The following RAD1 variants were observed in gnomAD, a reference collection of about 807,000 sequenced individuals.
RAD1 encodes RAD1 checkpoint DNA exonuclease.
In RAD1, 21 loss-of-function variants were observed where a neutral mutation model predicts 30.0. That is an observed-to-expected ratio of 0.70 (90% CI 0.50 to 1.01). The LOEUF is 1.01. RAD1 is among the 50% of genes least tolerant of loss of function. RAD1 has a pLI of 0.00. For missense variants in RAD1, 329 were observed against 329.0 expected (o/e 1.00, Z 0.00); for synonymous variants, 109 against 113.6 (o/e 0.96, Z 0.26).
Position 34,915,108 on chromosome 5 carries a change from C to T in RAD1, c.-69-147G>A. ...ATGTCACTTAACTATCTTTGTAATTCTGGAGGAAAATTATCTAAGCTACGG... is the reference window on the plus strand; with the variant it reads ...ATGTCACTTAACTATCTTTGTAATTTTGGAGGAAAATTATCTAAGCTACGG... On this transcript the variant is annotated intron_variant, in intron 1 of 5. Transcript: ENST00000382038. 1.0e-5 allele frequency: 6 copies of T among 574,604 alleles called. No homozygotes were observed. In the South Asian group the frequency reaches 1.3e-4, roughly 13 times the overall value. The allele number at this position is 574,604 out of a possible 1,614,324, so 35.6% of individuals were successfully genotyped here. A position where few individuals can be genotyped will look rare whatever the true frequency, so the allele number is the denominator to read the frequency against.
At position 34,911,814 on chromosome 5, in the gene RAD1, T is replaced by C. The variant is rs773661496; in HGVS notation, c.308-2A>G. ...ACATTCGAAGTGCAGTTAAAGTCCCTGCAATGGAAAGAAGTCATACTTGGC... is the reference window on the plus strand; with the variant it reads ...ACATTCGAAGTGCAGTTAAAGTCCCCGCAATGGAAAGAAGTCATACTTGGC... On this transcript the variant is annotated splice_acceptor_variant, in intron 3 of 5. Transcript: ENST00000382038. LOFTEE classifies it high-confidence loss of function. 2 of 1,613,956 alleles carry C rather than the reference T, an allele frequency of 1.2e-6. No individual in the cohort carries two copies. Among genetic ancestry groups the C allele is most frequent in the Middle Eastern group, 1.6e-4 (1 of 6,062 alleles).
chr5:34,911,833 A>T, intron 3 of RAD1, 21 bp from the exon 4 acceptor site: 1 of 1,612,618 alleles, frequency 6.2e-7, no homozygotes, highest in South Asian at 1.1e-5. Flanking sequence ...AAGAAGTCAT[A>T]CTTGGCCTTA....
intron 5 of RAD1, 37 bp from the exon 6 acceptor site, chr5:34,908,985 C>G: frequency 2.6e-6 from 4 of 1,519,568 alleles, no homozygotes; most frequent in Non-Finnish European, 3.6e-6. Context: ...TATATCAACA[C>G]AGTGAACACT....
chr5:34,908,629 A>C lies in RAD1; in HGVS notation c.*136T>G. ...CAAAACATAGTAACTATTAGGGTAC[A>C]TGACCTTGCTCCTATCTTCCCCATT... On this transcript the variant is annotated 3_prime_UTR_variant, in exon 6 of 6. Coordinates refer to ENST00000382038, the MANE Select transcript of RAD1 (RefSeq NM_002853.4). 1 of 716,918 alleles carries C rather than the reference A, an allele frequency of 1.4e-6. No individual in the cohort carries two copies. The highest frequency in any genetic ancestry group is 2.3e-6 in the Non-Finnish European group (1 of 434,376). The allele number at this position is 716,918 out of a possible 1,614,324, so 44.4% of individuals were successfully genotyped here.
chr5:34,909,083 A>T, intron 5 of RAD1, 135 bp from the exon 6 acceptor site: 1 of 1,016,538 alleles, frequency 9.8e-7, no homozygotes. Flanking sequence ...TTTCTGTTTT[A>T]AAATTCATTC....
intron 5 of RAD1, 128 bp from the exon 6 acceptor site, chr5:34,909,076 C>G (rs1763750902): frequency 9.5e-7 from 1 of 1,050,424 alleles, no homozygotes; most frequent in Non-Finnish European, 1.4e-6. Context: ...CTAATATTTT[C>G]TGTTTTAAAA....
At chr5:34,910,353 T>A (rs1332516726) in intron 4 of RAD1, among the ~76,000 whole-genome samples, 1 of 152,204 alleles carries the variant, frequency 6.6e-6, no homozygotes, top group African/African-American at 2.4e-5. Flanking sequence ...AATTTCCATT[T>A]TGGTTAACTT....
chr5:34,909,217 C>T (rs1198866863), intron 5 of RAD1, 41 bp downstream of exon 5: 4 of 1,406,176 alleles, frequency 2.8e-6, no homozygotes, highest in East Asian at 2.3e-5. Context: ...TATTTAACCT[C>T]CTCTTTATCA....
intron 2 of RAD1, 97 bp downstream of exon 2, chr5:34,914,598 T>C: frequency 1.8e-6 from 2 of 1,111,374 alleles, no homozygotes; most frequent in East Asian, 2.4e-5. Flanking sequence ...CAAGTTATTA[T>C]GACTATTAAG....
intron 3 of RAD1, among the ~76,000 whole-genome samples, chr5:34,912,487 T>C (rs1247392494): frequency 6.6e-6 from 1 of 152,136 alleles, no homozygotes; most frequent in African/African-American, 2.4e-5. Flanking sequence ...GAACACTGTA[T>C]TAGAAAATGT....
In RAD1 at chr5:34,911,767, G is replaced by C. The variant is rs1763853746; in HGVS notation, c.353C>G (p.Pro118Arg). The C allele has an allele frequency of 6.2e-7, 1 of 1,614,096 alleles. No homozygotes were observed. Among genetic ancestry groups the C allele is most frequent in the African/African-American group, 1.3e-5 (1 of 75,030 alleles). ...TCCTTCTTCCAGGAACAGCATCAAAGGGTAACCATAACCTTGGTAACACAT... is the reference window on the plus strand; with the variant it reads ...TCCTTCTTCCAGGAACAGCATCAAACGGTAACCATAACCTTGGTAACACAT... ...LRMCYQGYGYPLMLFLEEGGV... is the reference protein window; with the variant it reads ...LRMCYQGYGYRLMLFLEEGGV... The change falls in exon 4 of 6, where the codon CCT (proline) becomes CGT (arginine). Residue 118 changes from proline to arginine, a missense_variant. Physicochemically the swap from Pro to Arg is moderately radical, Grantham distance 103 (BLOSUM62 -2). Transcript: ENST00000382038.
rs1261429987 is a variant in RAD1 at position 34,908,279 on chromosome 5, TTC to T, written c.*484_*485del. 6.6e-6 allele frequency: 1 copy of T among 150,430 alleles called. No individual in the cohort carries two copies. Among genetic ancestry groups the T allele is most frequent in the East Asian group, 2.0e-4 (1 of 5,046 alleles). 9.3% of individuals were successfully genotyped at this position (150,430 alleles called of 1,614,324 possible). On this transcript the variant is annotated 3_prime_UTR_variant, in exon 6 of 6. Coordinates refer to ENST00000382038, the MANE Select transcript of RAD1 (RefSeq NM_002853.4). ...ACCTCCGCCTCCCGGGTTCAAGCAA[TTC>T]TCCTGCCTCAGCCTCCCGAGTAGCT...
At chr5:34,910,488 C>T (rs923562889) in intron 4 of RAD1, among the ~76,000 whole-genome samples, 6 of 151,188 alleles carry the variant, frequency 4.0e-5, no homozygotes, top group African/African-American at 9.7e-5. Context: ...AGTGCAGTGG[C>T]GCAATCTCAG....
intron 3 of RAD1, 60 bp downstream of exon 3, chr5:34,913,410 C>T: frequency 5.2e-6 from 5 of 953,944 alleles, no homozygotes; most frequent in Non-Finnish European, 7.6e-6. Flanking sequence ...AAATAACTTC[C>T]TGTATTTTTC....
At chr5:34,914,481 G>C in intron 2 of RAD1, 1 of 571,714 alleles carries the variant, frequency 1.7e-6, no homozygotes. Context: ...AAAACAAGAT[G>C]GGAAAAGAAT....
chr5:34,911,210 C>G (rs571942335), intron 4 of RAD1, among the ~76,000 whole-genome samples: 2 of 152,144 alleles, frequency 1.3e-5, no homozygotes, highest in Non-Finnish European at 2.9e-5. Context: ...AAAAAGATAC[C>G]ATAATACAAA....
At chr5:34,915,286 C>T (rs1373682484) in intron 1 of RAD1, 130 bp downstream of exon 1, 1 of 279,480 alleles carries the variant, frequency 3.6e-6, no homozygotes, top group African/African-American at 2.2e-5. Flanking sequence ...TCCAACAAAA[C>T]AGGCGATGGC....
rs375177210 is a variant in RAD1, at chr5:34,914,728, A to G, written c.165T>C (p.Asn55=). 2.8e-5 allele frequency: 45 copies of G among 1,614,092 alleles called. No homozygotes were observed. The African/African-American group carries it at 5.2e-4, about 19-fold the overall frequency. The change falls in exon 2 of 6, where the codon AAT becomes AAC. Residue 55 remains asparagine (N), a synonymous_variant. Transcript: ENST00000382038. ...AAGCATTTGCTTGCACACACTTTGCATTTTCCACTGTTACTTTGATACCAT... is the reference window on the plus strand; with the variant it reads ...AAGCATTTGCTTGCACACACTTTGCGTTTTCCACTGTTACTTTGATACCAT... ...TKNGIKVTVE[N]AKCVQANAFI...
chr5:34,911,516 C>T lies in RAD1; in HGVS notation c.566+38G>A, dbSNP rs769394363. 18 of 1,605,884 alleles carry T rather than the reference C, an allele frequency of 1.1e-5. No homozygotes were observed. In the African/African-American group the frequency reaches 2.4e-4, roughly 22 times the overall value. On this transcript the variant is annotated intron_variant, in intron 4 of 5. Transcript: ENST00000382038. The stretch of plus-strand genomic sequence containing the variant: ...AATGTCTAAGTGGGAAGATGGAGTA[C>T]AGACCACATTAACTATAACTGCACT...
Sources: allele counts gnomAD v4.1 joint callset (sites outside exome capture counted in the v4.1 genomes callset), GRCh38; gene constraint gnomAD v4.1.1; transcripts MANE v1.5; gene names NCBI Gene and HGNC (gene_info 2026-07-23, HGNC 2026-07-21).